The following MSI2 variants were observed in gnomAD, a reference collection of about 807,000 sequenced individuals.
MSI2 encodes musashi RNA binding protein 2.
In MSI2, 17 loss-of-function variants were observed where a neutral mutation model predicts 45.6. The observed-to-expected ratio is 0.37, with a 90% CI of 0.26 to 0.56. The LOEUF (loss-of-function observed/expected upper bound fraction) is 0.56, where lower values mean the gene tolerates loss of function less well. Ranked by LOEUF, MSI2 falls within the 20% of genes least tolerant of loss-of-function variation. The pLI, the probability that MSI2 is intolerant of heterozygous loss-of-function variation, is 0.77. For missense variants in MSI2, 293 were observed against 444.2 expected (o/e 0.66, Z 3.06); for synonymous variants, 156 against 158.2 (o/e 0.99, Z 0.11).
downstream of MSI2, among the ~76,000 whole-genome samples, chr17:57,686,214 G>A (rs1913876666): frequency 6.6e-6 from 1 of 152,028 alleles, no homozygotes; most frequent in Non-Finnish European, 1.5e-5. Context: ...TTCTAACCTA[G>A]GTGCCTACCT....
At chr17:57,517,327 G>A (rs1182590544) in intron 6 of MSI2, among the ~76,000 whole-genome samples, 1 of 152,192 alleles carries the variant, frequency 6.6e-6, no homozygotes. Context: ...AAACTCTGGG[G>A]CTGAGTGGTG....
chr17:57,575,155 C>CCG (rs1555626256), intron 7 of MSI2, among the ~76,000 whole-genome samples: 4 of 141,166 alleles, frequency 2.8e-5, no homozygotes, highest in African/African-American at 8.1e-5. Context: ...ACTCCCTCCC[C>CCG]CCGCCACCCC....
At chr17:57,568,960 C>G (rs1320117106) in intron 7 of MSI2, among the ~76,000 whole-genome samples, 2 of 152,148 alleles carry the variant, frequency 1.3e-5, no homozygotes, top group Non-Finnish European at 2.9e-5. Flanking sequence ...AATGTCCTGA[C>G]CTACCTTGGA....
rs115481119 is a variant in MSI2 at position 57,455,841 on chromosome 17, G to A, written c.405+54370G>A. Among the ~76,000 whole-genome samples the A allele has an allele frequency of 2.5e-3, 376 of 152,284 alleles. 2 individuals are homozygous for A. The highest frequency in any genetic ancestry group is 8.3e-3 in the African/African-American group (345 of 41,548). On this transcript the variant is annotated intron_variant, in intron 6 of 13. Transcript: ENST00000284073. ...GGGAAAACGTTGGCTTTGCTCCTCC[G>A]CAGCACGCACACAGGCACAGGCACA...
intron 5 of MSI2, among the ~76,000 whole-genome samples, chr17:57,262,727 T>C (rs1000770153): frequency 8.5e-5 from 13 of 152,240 alleles, no homozygotes; most frequent in African/African-American, 3.1e-4. Context: ...CCAACAGTGC[T>C]TCTTATTTGT....
At chr17:57,600,255 A>G (rs1905716329) in intron 8 of MSI2, among the ~76,000 whole-genome samples, 1 of 152,196 alleles carries the variant, frequency 6.6e-6, no homozygotes, top group Non-Finnish European at 1.5e-5. Flanking sequence ...GAAACCACAG[A>G]CCCATCTCCT....
rs1236464719 is a variant in MSI2, at chr17:57,612,938, C to T, written c.538-3032C>T. On this transcript the variant is annotated intron_variant, in intron 8 of 13. Coordinates refer to ENST00000284073, the MANE Select transcript of MSI2 (RefSeq NM_138962.4). ...TGCGAGACACGCCCATCTTCCTAGG[C>T]TTGGGGCAGGTTCATGCAAATGAGA... Among the ~76,000 whole-genome samples the T allele has an allele frequency of 2.6e-5, 4 of 152,262 alleles. No homozygotes were observed. The East Asian group carries it at 7.7e-4, about 29-fold the overall frequency.
chr17:57,615,539 A>C (rs1221783540), intron 8 of MSI2, among the ~76,000 whole-genome samples: 1 of 152,216 alleles, frequency 6.6e-6, no homozygotes, highest in Non-Finnish European at 1.5e-5. Flanking sequence ...ATGAAGAGTC[A>C]CTGGCCTGAG....
chr17:57,545,341 G>A (rs2087140188), intron 7 of MSI2, among the ~76,000 whole-genome samples: 1 of 152,172 alleles, frequency 6.6e-6, no homozygotes, highest in Non-Finnish European at 1.5e-5. Flanking sequence ...TTGGAACTGG[G>A]TGGATGGATG....
Position 57,407,618 on chromosome 17 carries a change from C to T in MSI2, c.405+6147C>T, listed in dbSNP as rs189576183. 3.3e-5 allele frequency among the ~76,000 whole-genome samples: 5 copies of T among 152,228 alleles called. No homozygotes were observed. Among genetic ancestry groups the T allele is most frequent in the African/African-American group, 1.2e-4 (5 of 41,528 alleles). On this transcript the variant is annotated intron_variant, in intron 6 of 13. Coordinates refer to ENST00000284073, the MANE Select transcript of MSI2 (RefSeq NM_138962.4). The surrounding 1 kb of genome is among the most constrained non-coding windows in gnomAD (Gnocchi z 4.1). ...AAGTGGTTCATGTAGGTGGGTTGCC[C>T]GGGGAGTGGTCAGCCTCCCGGGCCT...
intron 5 of MSI2, chr17:57,285,779 T>A (rs1034508736): frequency 2.4e-6 from 3 of 1,263,286 alleles, no homozygotes; most frequent in Non-Finnish European, 3.1e-6. Context: ...GCAAGCATCA[T>A]TATATTTTTA....
intron 5 of MSI2, among the ~76,000 whole-genome samples, chr17:57,324,985 C>A (rs941283): frequency 6.6e-6 from 1 of 152,004 alleles, no homozygotes; most frequent in Non-Finnish European, 1.5e-5. Flanking sequence ...GCCAAAATCA[C>A]CACTTTGTCA....
intron 5 of MSI2, among the ~76,000 whole-genome samples, chr17:57,295,188 G>A (rs1224234271): frequency 6.6e-6 from 1 of 152,156 alleles, no homozygotes; most frequent in African/African-American, 2.4e-5. Flanking sequence ...GTCTTTCTGT[G>A]CAGCGCTGCC....
intron 6 of MSI2, among the ~76,000 whole-genome samples, chr17:57,406,348 G>A (rs1182458864): frequency 6.6e-6 from 1 of 152,098 alleles, no homozygotes; most frequent in Non-Finnish European, 1.5e-5. Flanking sequence ...CCACACACAC[G>A]GGCTTCCTCC....
intron 6 of MSI2, among the ~76,000 whole-genome samples, chr17:57,419,776 C>T (rs2084362549): frequency 6.6e-6 from 1 of 152,088 alleles, no homozygotes; most frequent in Non-Finnish European, 1.5e-5. Context: ...AGGGGCTTTG[C>T]AGACCCTTTT....
At chr17:57,290,383 C>T (rs1910301237) in intron 5 of MSI2, among the ~76,000 whole-genome samples, 1 of 152,220 alleles carries the variant, frequency 6.6e-6, no homozygotes, top group African/African-American at 2.4e-5. Context: ...GATCATAACT[C>T]ACTGTACCCT....
rs911041251 is a variant in MSI2, at chr17:57,563,117, A to C, written c.454+33393A>C. Among the ~76,000 whole-genome samples the C allele has an allele frequency of 4.0e-5, 6 of 151,806 alleles. No homozygotes were observed. In the East Asian group the frequency reaches 9.7e-4, roughly 24 times the overall value. On this transcript the variant is annotated intron_variant, in intron 7 of 13. Coordinates refer to ENST00000284073, the MANE Select transcript of MSI2 (RefSeq NM_138962.4). ...CGTCTCCAAAAAAAAAAAAAAAAAA[A>C]AAAACAGTGCATAGATTTGTGGGGT...
rs916199238 is a variant in MSI2, at chr17:57,552,982, A to G, written c.454+23258A>G. On this transcript the variant is annotated intron_variant, in intron 7 of 13. Transcript: ENST00000284073. This position sits in a 1 kb window ranked among gnomAD's most constrained non-coding sequence, Gnocchi z 4.3. ...GGTCTTTGAATGAACTCTTTACCCC[A>G]CCAAAAGTAGAAAAAGGATTCCAGT... 6.6e-6 allele frequency among the ~76,000 whole-genome samples: 1 copy of G among 152,116 alleles called. No homozygotes were observed. The highest frequency in any genetic ancestry group is 2.4e-5 in the African/African-American group (1 of 41,408).
intron 6 of MSI2, among the ~76,000 whole-genome samples, chr17:57,477,270 C>T (rs895111277): frequency 4.6e-5 from 7 of 150,968 alleles, no homozygotes; most frequent in Non-Finnish European, 1.0e-4. Flanking sequence ...TGGGCCCCAC[C>T]GAAGGAATCT....
Sources: gnomAD v4.1 joint callset for allele counts (sites outside exome capture counted in the v4.1 genomes callset) on GRCh38, gnomAD v4.1.1 for gene constraint, Gnocchi (gnomAD v3.1) non-coding constraint, MANE v1.5 for transcripts, NCBI Gene and HGNC (gene_info 2026-07-23, HGNC 2026-07-21) for gene names.